R3HDM1: variants seen among roughly 807,000 people sequenced by gnomAD.
R3HDM1 encodes the protein R3H domain-containing protein 1.
A neutral mutation model predicts 141.1 loss-of-function variants in R3HDM1; 46 were observed. That is an observed-to-expected ratio of 0.33 (90% confidence interval 0.26 to 0.42). The LOEUF (loss-of-function observed/expected upper bound fraction) is 0.42, where lower values mean the gene tolerates loss of function less well. Among genes scored for constraint, R3HDM1 ranks in the 10% least tolerant of loss-of-function variants. The probability of loss-of-function intolerance (pLI) is 1.00; values close to 1 mark genes in which losing one functional copy is unlikely to be tolerated. For missense variants in R3HDM1, 1,184 were observed against 1,368.3 expected (o/e 0.87, Z 2.12); for synonymous variants, 435 against 472.9 (o/e 0.92, Z 1.04).
intron 21 of R3HDM1, among the ~76,000 whole-genome samples, chr2:135,701,557 C>T (rs537377237): frequency 6.6e-6 from 1 of 152,258 alleles, no homozygotes; most frequent in Admixed American, 6.5e-5. Context: ...ACTGTTGACT[C>T]TCCAACAGGA....
intron 18 of R3HDM1, among the ~76,000 whole-genome samples, chr2:135,658,943 T>G (rs1213626598): frequency 6.6e-6 from 1 of 152,134 alleles, no homozygotes; most frequent in Non-Finnish European, 1.5e-5. Flanking sequence ...TAGAAGGTCT[T>G]CAGAGGCAGT....
intron 26 of R3HDM1, 73 bp downstream of exon 26, chr2:135,722,626 A>T: frequency 7.0e-7 from 1 of 1,421,164 alleles, no homozygotes; most frequent in Non-Finnish European, 9.7e-7. Context: ...ACAGCACAGA[A>T]ATGGGTTTTC....
chr2:135,695,238 G>T (rs2073062328), intron 21 of R3HDM1, among the ~76,000 whole-genome samples: 1 of 152,186 alleles, frequency 6.6e-6, no homozygotes, highest in South Asian at 2.1e-4. Flanking sequence ...TCACAATTTA[G>T]TCTTGACTCC....
At chr2:135,675,637 T>C in intron 20 of R3HDM1, 151 bp downstream of exon 20, 1 of 747,536 alleles carries the variant, frequency 1.3e-6, no homozygotes, top group South Asian at 3.5e-5. Flanking sequence ...ACTTCTGTAA[T>C]ATACAACTTT....
intron 1 of R3HDM1, among the ~76,000 whole-genome samples, chr2:135,578,960 GAATACAAA>G (rs1706143337): frequency 6.6e-6 from 1 of 152,044 alleles, no homozygotes; most frequent in African/African-American, 2.4e-5. Context: ...TATGATGTAT[GAATACAAA>G]AATACATAAT....
chr2:135,651,424 G>A (rs2065133611), intron 17 of R3HDM1: 14 of 977,390 alleles, frequency 1.4e-5, no homozygotes, highest in Non-Finnish European at 1.6e-5. Context: ...ACATTCTAAT[G>A]TTGCTTTCAT....
At chr2:135,650,476 G>T (rs1330260017) in intron 17 of R3HDM1, 49 of 978,702 alleles carry the variant, frequency 5.0e-5, no homozygotes, top group Non-Finnish European at 5.9e-5. Flanking sequence ...TTTAATCTGT[G>T]ACTGTAAAGT....
intron 3 of R3HDM1, chr2:135,605,250 T>G (rs1156655220): frequency 3.8e-6 from 1 of 264,280 alleles, no homozygotes; most frequent in African/African-American, 2.3e-5. Flanking sequence ...TTTATTGGCT[T>G]TCTACTTTCT....
At chr2:135,661,423 T>C (rs1454412836) in intron 19 of R3HDM1, 30 bp downstream of exon 19, 1 of 1,608,390 alleles carries the variant, frequency 6.2e-7, no homozygotes, top group East Asian at 2.2e-5. Flanking sequence ...TCATAACTTC[T>C]GAGCCACACT....
At chr2:135,555,746 G>C (rs1700629512) in intron 1 of R3HDM1, among the ~76,000 whole-genome samples, 1 of 152,146 alleles carries the variant, frequency 6.6e-6, no homozygotes, top group Admixed American at 6.6e-5. Flanking sequence ...GCAATGAAGG[G>C]CCAGGCGAGT....
chr2:135,616,735 C>CAG lies in R3HDM1; in HGVS notation c.285_286dup (p.Ile96ArgfsTer14). On this transcript the variant is annotated frameshift_variant, in exon 5 of 27. Transcript: ENST00000683871. LOFTEE classifies it high-confidence loss of function. ...GAAGAATCTCCACCACCCCCTGCAC[C>CAG]AGAGATATCACAGGAGAACCAGGTA... 6.2e-7 allele frequency: 1 copy of CAG among 1,606,422 alleles called. No homozygotes were observed. The highest frequency in any genetic ancestry group is 8.5e-7 in the Non-Finnish European group (1 of 1,174,954).
chr2:135,638,530 A>G, intron 11 of R3HDM1, 88 bp from the exon 12 acceptor site: 3 of 1,318,566 alleles, frequency 2.3e-6, no homozygotes, highest in Admixed American at 3.8e-5. Flanking sequence ...ATTATTACAC[A>G]TGATTTTTGT....
Position 135,669,120 on chromosome 2 carries a change from A to T in R3HDM1, c.2153-6212A>T, listed in dbSNP as rs560676297. 4.9e-3 allele frequency: 4,776 copies of T among 981,994 alleles called. 28 individuals carry two copies. The highest frequency in any genetic ancestry group is 0.037 in the South Asian group (777 of 21,164). The allele number at this position is 981,994 out of a possible 1,614,324, so 60.8% of individuals were successfully genotyped here. A position where few individuals can be genotyped will look rare whatever the true frequency, so the allele number is the denominator to read the frequency against. On this transcript the variant is annotated intron_variant, in intron 19 of 26. Coordinates refer to ENST00000683871, the MANE Select transcript of R3HDM1 (RefSeq NM_001378107.1). ...TGCAGTGGCCCTTCCTAATTGTTTA[A>T]TACAATTTATGCGTATAATCTAATT...
chr2:135,683,208 C>G (rs1409442807), intron 21 of R3HDM1, among the ~76,000 whole-genome samples: 1 of 152,080 alleles, frequency 6.6e-6, no homozygotes, highest in Non-Finnish European at 1.5e-5. Flanking sequence ...TCAGACTCAT[C>G]TTGGTACATT....
chr2:135,658,189 C>T (rs771525915), intron 18 of R3HDM1, among the ~76,000 whole-genome samples: 43 of 152,128 alleles, frequency 2.8e-4, no homozygotes, highest in Non-Finnish European at 4.6e-4. Context: ...TTTTTTGAGA[C>T]GGAGTCTCGC....
intron 21 of R3HDM1, among the ~76,000 whole-genome samples, chr2:135,685,243 C>CCA (rs754102404): frequency 1.3e-5 from 2 of 151,838 alleles, no homozygotes; most frequent in Non-Finnish European, 2.9e-5. Context: ...GGACCATTTC[C>CCA]CACACACACA....
intron 1 of R3HDM1, among the ~76,000 whole-genome samples, chr2:135,601,056 A>G (rs577762494): frequency 6.6e-5 from 10 of 152,200 alleles, no homozygotes; most frequent in Non-Finnish European, 1.5e-4. Context: ...TAAAATTGTA[A>G]AGTCACTTTA....
intron 20 of R3HDM1, among the ~76,000 whole-genome samples, chr2:135,677,040 G>A: frequency 6.6e-6 from 1 of 152,178 alleles, no homozygotes; most frequent in East Asian, 1.9e-4. Flanking sequence ...CTTCTGGGAA[G>A]TTAGAAACCT....
rs947924693 is a variant in R3HDM1 at position 135,602,806 on chromosome 2, T to C, written c.-41+98T>C. ...TGTCTTAAGTAACTTCACCACCCTC[T>C]CCCTACTTTGCAGCTGTTTGTTTTC... On this transcript the variant is annotated intron_variant, in intron 2 of 26. Coordinates refer to ENST00000683871, the MANE Select transcript of R3HDM1 (RefSeq NM_001378107.1). 28 of 1,019,942 alleles carry C rather than the reference T, an allele frequency of 2.7e-5. No homozygotes were observed. In the African/African-American group the frequency reaches 4.7e-4, roughly 17 times the overall value. 63.2% of individuals were successfully genotyped at this position (1,019,942 alleles called of 1,614,324 possible).
Sources: allele counts gnomAD v4.1 joint callset (sites outside exome capture counted in the v4.1 genomes callset), GRCh38; gene constraint gnomAD v4.1.1; transcripts MANE v1.5; gene names NCBI Gene and HGNC (gene_info 2026-07-23, HGNC 2026-07-21).